ITGBL1: variants seen among roughly 807,000 people sequenced by gnomAD.
ITGBL1 encodes integrin beta-like protein 1.
In ITGBL1, 51 loss-of-function variants were observed where a neutral mutation model predicts 68.5. The observed-to-expected ratio is 0.74, with a 90% CI of 0.59 to 0.94. The LOEUF (loss-of-function observed/expected upper bound fraction) is 0.94, where lower values mean the gene tolerates loss of function less well. Among genes scored for constraint, ITGBL1 ranks in the 40% least tolerant of loss-of-function variants. The pLI is 0.00. For missense variants in ITGBL1, 649 were observed against 647.4 expected (o/e 1.00, Z -0.03); for synonymous variants, 209 against 227.3 (o/e 0.92, Z 0.72).
chr13:101,544,053 C>T (rs570714630), intron 2 of ITGBL1, among the ~76,000 whole-genome samples: 6 of 152,326 alleles, frequency 3.9e-5, no homozygotes, highest in South Asian at 4.1e-4. Flanking sequence ...TCTCTCAACT[C>T]ATCAAAGTCA....
At chr13:101,648,618 T>C (rs778111238) in intron 7 of ITGBL1, among the ~76,000 whole-genome samples, 1 of 152,268 alleles carries the variant, frequency 6.6e-6, no homozygotes, top group Non-Finnish European at 1.5e-5. Context: ...AATAAACTGT[T>C]ATTGTTCACC....
intron 7 of ITGBL1, among the ~76,000 whole-genome samples, chr13:101,653,990 A>G (rs957530285): frequency 6.6e-6 from 1 of 151,660 alleles, no homozygotes; most frequent in East Asian, 1.9e-4. Flanking sequence ...GATTACAGGC[A>G]TGAGCCACTG....
At chr13:101,709,103 C>G (rs561218551) in intron 9 of ITGBL1, among the ~76,000 whole-genome samples, 1 of 152,154 alleles carries the variant, frequency 6.6e-6, no homozygotes, top group South Asian at 2.1e-4. Context: ...CGGTGGCTCA[C>G]GCCTGTAATC....
At chr13:101,700,419 C>CCA (rs1374629123) in intron 8 of ITGBL1, among the ~76,000 whole-genome samples, 2 of 152,190 alleles carry the variant, frequency 1.3e-5, no homozygotes, top group Non-Finnish European at 2.9e-5. Context: ...TCCACTGCCA[C>CCA]CACTGTCCTT....
rs747097666 is a variant in ITGBL1, at chr13:101,454,039, C to T, written c.255C>T (p.Phe85=). The change falls in exon 2 of 11, where the codon TTC becomes TTT. Residue 85 remains phenylalanine (F), a synonymous_variant. Transcript: ENST00000376180. ...ICHVTEPGMF[F]GPLCECHEWV... The stretch of plus-strand genomic sequence containing the variant: ...ACGTGACTGAGCCGGGCATGTTCTT[C>T]GGGCCCCTGTGTGAGTGCCATGAGT... The T allele has an allele frequency of 1.3e-6, 2 of 1,592,646 alleles. No homozygotes were observed. Among genetic ancestry groups the T allele is most frequent in the Non-Finnish European group, 1.7e-6 (2 of 1,170,220 alleles).
intron 7 of ITGBL1, among the ~76,000 whole-genome samples, chr13:101,653,464 A>T (rs1206140509): frequency 6.6e-6 from 1 of 152,172 alleles, no homozygotes; most frequent in East Asian, 1.9e-4. Flanking sequence ...AGCACTAAAA[A>T]CATGACCAAA....
At chr13:101,694,952 C>T (rs1172386245) in intron 8 of ITGBL1, among the ~76,000 whole-genome samples, 1 of 152,120 alleles carries the variant, frequency 6.6e-6, no homozygotes, top group African/African-American at 2.4e-5. Context: ...AACAAATATT[C>T]ATTGAGTGTC....
At chr13:101,645,767 G>A (rs1480055090) in intron 7 of ITGBL1, among the ~76,000 whole-genome samples, 3 of 152,160 alleles carry the variant, frequency 2.0e-5, no homozygotes, top group Non-Finnish European at 2.9e-5. Flanking sequence ...ACTGCCTCAC[G>A]CAGGAGGGAC....
chr13:101,604,887 T>TATATACAC lies in ITGBL1; in HGVS notation c.1015+6589_1015+6590insTATACACA. 5.9e-4 allele frequency among the ~76,000 whole-genome samples: 13 copies of TATATACAC among 22,166 alleles called. 3 individuals are homozygous for TATATACAC. The East Asian group carries it at 7.6e-3, about 13-fold the overall frequency. The allele number at this position is 22,166 out of a possible 152,430, so 14.5% of individuals were successfully genotyped here. A position where few individuals can be genotyped will look rare whatever the true frequency, so the allele number is the denominator to read the frequency against. The stretch of plus-strand genomic sequence containing the variant: ...ATATATATATATATATATATATATA[T>TATATACAC]ACACACACACACACATATATATGTG... On this transcript the variant is annotated intron_variant, in intron 7 of 10. Coordinates refer to ENST00000376180, the MANE Select transcript of ITGBL1 (RefSeq NM_004791.3).
rs180702893 is a variant in ITGBL1, at chr13:101,534,340, A to C, written c.317-33359A>C. On this transcript the variant is annotated intron_variant, in intron 2 of 10. Coordinates refer to ENST00000376180, the MANE Select transcript of ITGBL1 (RefSeq NM_004791.3). ...CTTAGAATTGAGAAAGGTTGCTTTC[A>C]TGTTTGCTTTTGTTTTTTAGAAGAA... is the stretch of plus-strand genomic sequence containing the variant. Among the ~76,000 whole-genome samples the C allele has an allele frequency of 4.6e-5, 7 of 152,296 alleles. No individual in the cohort carries two copies. The East Asian group carries it at 1.4e-3, about 29-fold the overall frequency.
intron 3 of ITGBL1, among the ~76,000 whole-genome samples, chr13:101,571,325 T>G (rs2050268672): frequency 6.6e-6 from 1 of 152,110 alleles, no homozygotes; most frequent in Non-Finnish European, 1.5e-5. Flanking sequence ...CCCCACTCAC[T>G]GTACCTCAAT....
chr13:101,668,620 C>CT (rs58074211), intron 7 of ITGBL1, among the ~76,000 whole-genome samples: 120,874 of 152,020 alleles, frequency 0.8, 48,244 homozygotes, highest in East Asian at 0.96. Flanking sequence ...TGAGAACTAG[C>CT]TTGTCTAATA....
At chr13:101,539,327 C>T (rs1350083842) in intron 2 of ITGBL1, among the ~76,000 whole-genome samples, 2 of 151,426 alleles carry the variant, frequency 1.3e-5, no homozygotes, top group Non-Finnish European at 2.9e-5. Context: ...CTTGTGATAG[C>T]TTGCTGAGAA....
At chr13:101,603,447 C>G (rs944540010) in intron 7 of ITGBL1, among the ~76,000 whole-genome samples, 4 of 151,732 alleles carry the variant, frequency 2.6e-5, no homozygotes, top group Non-Finnish European at 5.9e-5. Flanking sequence ...ACCAGTAACC[C>G]CAGACAGGAA....
intron 2 of ITGBL1, among the ~76,000 whole-genome samples, chr13:101,566,141 GT>G (rs1441551589): frequency 6.6e-6 from 1 of 151,944 alleles, no homozygotes; most frequent in Non-Finnish European, 1.5e-5. Context: ...TTTCTTTACT[GT>G]TTATTGGTGT....
chr13:101,715,770 T>C lies in ITGBL1; in HGVS notation c.*116T>C. On this transcript the variant is annotated 3_prime_UTR_variant, in exon 11 of 11. Transcript: ENST00000376180. ...CAGGTTAAAAAGACCATTGTATGTTTTTCTATTTCTGAATTACGAATGAAA... is the reference window on the plus strand; with the variant it reads ...CAGGTTAAAAAGACCATTGTATGTTCTTCTATTTCTGAATTACGAATGAAA... 2 of 601,988 alleles carry C rather than the reference T, an allele frequency of 3.3e-6. No homozygotes were observed. The highest frequency in any genetic ancestry group is 3.0e-6 in the Non-Finnish European group (1 of 335,172). The allele number at this position is 601,988 out of a possible 1,614,324, so 37.3% of individuals were successfully genotyped here.
At chr13:101,610,797 A>G (rs2031090257) in intron 7 of ITGBL1, among the ~76,000 whole-genome samples, 1 of 152,150 alleles carries the variant, frequency 6.6e-6, no homozygotes, top group African/African-American at 2.4e-5. Flanking sequence ...ATTGTGACAA[A>G]TATGTCGGGA....
At chr13:101,695,781 G>T (rs1404772286) in intron 8 of ITGBL1, among the ~76,000 whole-genome samples, 2 of 152,160 alleles carry the variant, frequency 1.3e-5, no homozygotes, top group East Asian at 3.9e-4. Context: ...CTGGTTCCCT[G>T]GCAACAGATG....
intron 7 of ITGBL1, among the ~76,000 whole-genome samples, chr13:101,690,967 G>A (rs1164680603): frequency 6.6e-6 from 1 of 152,172 alleles, no homozygotes; most frequent in Non-Finnish European, 1.5e-5. Flanking sequence ...ATTAGCTCCT[G>A]CAGCAACCTG....
Sources: gnomAD v4.1 joint callset for allele counts (sites outside exome capture counted in the v4.1 genomes callset) on GRCh38, gnomAD v4.1.1 for gene constraint, MANE v1.5 for transcripts, NCBI Gene and HGNC (gene_info 2026-07-23, HGNC 2026-07-21) for gene names.